Variants in ULK4 observed in about 807,000 individuals in gnomAD.
ULK4 encodes the protein unc-51 like kinase 4, also known as inactive serine/threonine-protein kinase ULK4.
In ULK4, 133 loss-of-function variants were observed where a neutral mutation model predicts 160.6. The ratio of observed to expected loss-of-function variants is 0.83; its 90% CI spans 0.72 to 0.96. The LOEUF (loss-of-function observed/expected upper bound fraction) is 0.96. Among genes scored for constraint, ULK4 ranks in the 40% least tolerant of loss-of-function variants. The pLI is 0.00. For missense variants in ULK4, 1,580 were observed against 1,499.5 expected (o/e 1.05, Z -0.89); for synonymous variants, 534 against 539.8 (o/e 0.99, Z 0.15).
At chr3:41,442,377 A>G (rs1458458392) in intron 34 of ULK4, among the ~76,000 whole-genome samples, 1 of 152,220 alleles carries the variant, frequency 6.6e-6, no homozygotes, top group Non-Finnish European at 1.5e-5. Context: ...TTTAAAGAAG[A>G]AAACAGAAAT....
In ULK4 at chr3:41,856,575, GTGTATATATATACACATA is replaced by G. The variant is rs1161187986; in HGVS notation, c.1657-20622_1657-20605del. On this transcript the variant is annotated intron_variant, in intron 17 of 36. Coordinates refer to ENST00000301831, the MANE Select transcript of ULK4 (RefSeq NM_017886.4). Reference sequence around the variant, plus strand: ...TGTATATATATACACATATATATATGTGTATATATATACACATATATATATATGTGTATATATATACAC... The same window carrying G: ...TGTATATATATACACATATATATATGTATATATATGTGTATATATATACAC... Among the ~76,000 whole-genome samples, 5 of 26,404 alleles carry G rather than the reference GTGTATATATATACACATA, an allele frequency of 1.9e-4. No homozygotes were observed. The South Asian group carries it at 6.4e-3, about 34-fold the overall frequency. 17.3% of individuals were successfully genotyped at this position (26,404 alleles called of 152,430 possible). A position where few individuals can be genotyped will look rare whatever the true frequency, so the allele number is the denominator to read the frequency against.
intron 1 of ULK4, among the ~76,000 whole-genome samples, chr3:41,959,808 G>A (rs1430419950): frequency 6.6e-6 from 1 of 152,080 alleles, no homozygotes; most frequent in East Asian, 1.9e-4. Context: ...GTGCATGCCT[G>A]TAGTCCCAGC....
chr3:41,690,478 A>G (rs1286420113), intron 27 of ULK4, among the ~76,000 whole-genome samples: 1 of 151,536 alleles, frequency 6.6e-6, no homozygotes, highest in Admixed American at 6.6e-5. Context: ...AAAAAGAAAA[A>G]AAAAACTTTT....
chr3:41,608,491 TG>T (rs2032497046), intron 31 of ULK4, among the ~76,000 whole-genome samples: 1 of 152,224 alleles, frequency 6.6e-6, no homozygotes, highest in African/African-American at 2.4e-5. Context: ...TAACATTCAT[TG>T]GTTTCATATT....
chr3:41,329,626 C>T (rs1055983072), intron 35 of ULK4, among the ~76,000 whole-genome samples: 2 of 152,142 alleles, frequency 1.3e-5, no homozygotes, highest in African/African-American at 2.4e-5. Context: ...TCATAAACAT[C>T]TTTTCCTATC....
chr3:41,840,865 T>C (rs146707962), intron 17 of ULK4, among the ~76,000 whole-genome samples: 47,147 of 150,292 alleles, frequency 0.31, 10,737 homozygotes, highest in African/African-American at 0.65. Context: ...CCCCTCTGCC[T>C]GGCTGCCCCA....
intron 12 of ULK4, among the ~76,000 whole-genome samples, chr3:41,901,677 A>G (rs1463817899): frequency 6.7e-6 from 1 of 149,132 alleles, no homozygotes; most frequent in Non-Finnish European, 1.5e-5. Flanking sequence ...TCGGGGTTTC[A>G]CCATGTTGGC....
chr3:41,450,979 T>C (rs1485584685), intron 34 of ULK4, among the ~76,000 whole-genome samples: 3 of 152,192 alleles, frequency 2.0e-5, no homozygotes, highest in Non-Finnish European at 4.4e-5. Context: ...TGGAGCGCAG[T>C]GTCACAAAGA....
chr3:41,485,882 A>C (rs2084509264), intron 32 of ULK4, among the ~76,000 whole-genome samples: 1 of 152,256 alleles, frequency 6.6e-6, no homozygotes, highest in African/African-American at 2.4e-5. Context: ...AATGTAAAAA[A>C]TGAAGCTGGC....
rs1559521153 is a variant in ULK4, at chr3:41,741,998, C to T, written c.2321+12363G>A. Among the ~76,000 whole-genome samples, 3 of 151,968 alleles carry T rather than the reference C, an allele frequency of 2.0e-5. 1 individual carries two copies. Among genetic ancestry groups the T allele is most frequent in the East Asian group, 1.9e-4 (1 of 5,186 alleles). On this transcript the variant is annotated intron_variant, in intron 22 of 36. Transcript: ENST00000301831. The stretch of plus-strand genomic sequence containing the variant: ...GCTAAGAAAAGCCTATTTTCCCTGG[C>T]CAAAGGATCAGTGAAAAAAGATGGC...
Position 41,431,547 on chromosome 3 carries a change from C to CCTTTTTTTTT in ULK4, c.3492+23949_3492+23950insAAAAAAAAAG, listed in dbSNP as rs563543377. 2.9e-4 allele frequency among the ~76,000 whole-genome samples: 28 copies of CCTTTTTTTTT among 95,858 alleles called. 2 individuals carry two copies. Among genetic ancestry groups the CCTTTTTTTTT allele is most frequent in the Non-Finnish European group, 3.6e-4 (18 of 49,612 alleles). The allele number at this position is 95,858 out of a possible 152,430, so 62.9% of individuals were successfully genotyped here. A position where few individuals can be genotyped will look rare whatever the true frequency, so the allele number is the denominator to read the frequency against. On this transcript the variant is annotated intron_variant, in intron 34 of 36. Coordinates refer to ENST00000301831, the MANE Select transcript of ULK4 (RefSeq NM_017886.4). ...CCTGTGAGGTGTTGTAATTCCCTCC[C>CCTTTTTTTTT]TTTTTTTTTTTTTTTGATGTGGAAA...
intron 6 of ULK4, among the ~76,000 whole-genome samples, chr3:41,919,111 A>G (rs1273487036): frequency 2.0e-5 from 3 of 152,174 alleles, no homozygotes. Context: ...TGGGCCATTC[A>G]AATCATCTGA....
intron 35 of ULK4, among the ~76,000 whole-genome samples, chr3:41,289,356 T>C (rs1353787091): frequency 6.6e-6 from 1 of 152,110 alleles, no homozygotes; most frequent in Admixed American, 6.5e-5. Flanking sequence ...CATGATTAAA[T>C]CCCCAAGGCT....
Position 41,722,667 on chromosome 3 carries a change from A to G in ULK4, c.2322-4806T>C, listed in dbSNP as rs59871868. 6.8e-3 allele frequency among the ~76,000 whole-genome samples: 1,039 copies of G among 152,176 alleles called. 46 individuals are homozygous for G. The East Asian group carries it at 0.12, about 18-fold the overall frequency. On this transcript the variant is annotated intron_variant, in intron 22 of 36. Transcript: ENST00000301831. ...TTAATTAAAATTAAATTAAAATAAA[A>G]TGAAAGAGAGCCTGACATCTCTTCA... is the stretch of plus-strand genomic sequence containing the variant.
At chr3:41,387,589 G>C (rs1405063165) in intron 35 of ULK4, among the ~76,000 whole-genome samples, 1 of 152,068 alleles carries the variant, frequency 6.6e-6, no homozygotes, top group Non-Finnish European at 1.5e-5. Context: ...TGCTCTCATT[G>C]TTCAATTCAC....
At chr3:41,635,269 T>C (rs1351889883) in intron 30 of ULK4, among the ~76,000 whole-genome samples, 4 of 152,186 alleles carry the variant, frequency 2.6e-5, no homozygotes, top group African/African-American at 9.7e-5. Flanking sequence ...AAAGGCTATC[T>C]TGTTGACCAT....
At chr3:41,634,583 T>A (rs2033877089) in intron 30 of ULK4, among the ~76,000 whole-genome samples, 1 of 152,188 alleles carries the variant, frequency 6.6e-6, no homozygotes, top group Non-Finnish European at 1.5e-5. Context: ...CAGGCAAATG[T>A]CTGCATGGTC....
At chr3:41,810,756 C>T (rs546243757) in intron 19 of ULK4, among the ~76,000 whole-genome samples, 1 of 152,240 alleles carries the variant, frequency 6.6e-6, no homozygotes, top group South Asian at 2.1e-4. Flanking sequence ...GGCAGCAGTC[C>T]ATTCAAACTG....
chr3:41,513,442 C>T (rs1182950716), intron 32 of ULK4, among the ~76,000 whole-genome samples: 8 of 152,184 alleles, frequency 5.3e-5, no homozygotes, highest in Admixed American at 5.2e-4. Flanking sequence ...TCAAGACCAT[C>T]CTGGCAACAA....
Sources: allele counts gnomAD v4.1 joint callset (sites outside exome capture counted in the v4.1 genomes callset), GRCh38; gene constraint gnomAD v4.1.1; transcripts MANE v1.5; gene names NCBI Gene and HGNC (gene_info 2026-07-23, HGNC 2026-07-21).